The following ENTREP2 variants were observed in gnomAD, a reference collection of about 807,000 sequenced individuals.
The protein encoded by ENTREP2 is endosomal transmembrane epsin interactor 2, also known as protein ENTREP2.
the ENTREP2 span, among the ~76,000 whole-genome samples, chr15:29,445,435 G>A: frequency 6.6e-6 from 1 of 152,114 alleles, no homozygotes; most frequent in Admixed American, 6.5e-5. Flanking sequence ...TTAGGGAAGG[G>A]AAGAGGGGCC....
At chr15:29,501,272 C>T in the ENTREP2 span, among the ~76,000 whole-genome samples, 2 of 151,608 alleles carry the variant, frequency 1.3e-5, no homozygotes, top group Non-Finnish European at 3.0e-5. Flanking sequence ...TGCAAACATT[C>T]TCAACAAAAC....
chr15:29,467,457 C>T, the ENTREP2 span, among the ~76,000 whole-genome samples: 1 of 152,116 alleles, frequency 6.6e-6, no homozygotes, highest in Non-Finnish European at 1.5e-5. Context: ...AGTACTGTTC[C>T]ATTTCCAGGG....
At chr15:29,612,100 C>T in the ENTREP2 span, among the ~76,000 whole-genome samples, 3 of 152,296 alleles carry the variant, frequency 2.0e-5, no homozygotes, top group East Asian at 3.9e-4. Context: ...GTTTTTCCTC[C>T]TTCGGAGTCA....
the ENTREP2 span, among the ~76,000 whole-genome samples, chr15:29,469,311 T>C: frequency 1.5e-3 from 233 of 152,358 alleles, 1 homozygote; most frequent in Non-Finnish European, 2.6e-3. Flanking sequence ...GCAATTCTCC[T>C]GCCTCAGCCT....
chr15:29,334,363 A>G, the ENTREP2 span, among the ~76,000 whole-genome samples: 2 of 152,136 alleles, frequency 1.3e-5, no homozygotes, highest in African/African-American at 4.8e-5. Flanking sequence ...AAGGTACACA[A>G]CCCAGGGCAG....
chr15:29,526,321 G>A, the ENTREP2 span, among the ~76,000 whole-genome samples: 4 of 152,060 alleles, frequency 2.6e-5, no homozygotes, highest in African/African-American at 7.2e-5. Flanking sequence ...CTCCCCTCAC[G>A]CTTCTCAAAG....
the ENTREP2 span, among the ~76,000 whole-genome samples, chr15:29,543,763 A>C: frequency 4.0e-5 from 6 of 151,178 alleles, no homozygotes; most frequent in Non-Finnish European, 7.4e-5. Context: ...TGGGCAACAG[A>C]GCAAGACTCT....
the ENTREP2 span, among the ~76,000 whole-genome samples, chr15:29,644,467 G>T: frequency 1.3e-5 from 2 of 152,202 alleles, no homozygotes; most frequent in African/African-American, 4.8e-5. Flanking sequence ...TAGAGACAGG[G>T]AAGTAAACGC....
chr15:29,480,809 C>T, the ENTREP2 span, among the ~76,000 whole-genome samples: 1 of 152,136 alleles, frequency 6.6e-6, no homozygotes, highest in Admixed American at 6.5e-5. Flanking sequence ...ACCCAGAAAA[C>T]CTCACGGCTG....
At chr15:29,593,517 A>G in the ENTREP2 span, among the ~76,000 whole-genome samples, 2 of 152,090 alleles carry the variant, frequency 1.3e-5, no homozygotes, top group Non-Finnish European at 2.9e-5. Context: ...TTTTGTCTTC[A>G]CCAGAAGCTG....
chr15:29,242,290 A>C, the ENTREP2 span, among the ~76,000 whole-genome samples: 2 of 152,156 alleles, frequency 1.3e-5, no homozygotes, highest in African/African-American at 4.8e-5. Context: ...GCTGGTCTCG[A>C]ACTCTTGACC....
At chr15:29,432,607 C>T in the ENTREP2 span, among the ~76,000 whole-genome samples, 1 of 152,224 alleles carries the variant, frequency 6.6e-6, no homozygotes, top group African/African-American at 2.4e-5. Context: ...CCAGTGCACA[C>T]TGGGGGAATC....
the ENTREP2 span, among the ~76,000 whole-genome samples, chr15:29,292,348 TTTCCTTCC>T: frequency 2.0e-5 from 3 of 150,180 alleles, no homozygotes; most frequent in Non-Finnish European, 2.9e-5. Flanking sequence ...TCCTTCCTTC[TTTCCTTCC>T]TTCCTTCCTT....
At chr15:29,561,246 T>C in the ENTREP2 span, among the ~76,000 whole-genome samples, 11 of 152,000 alleles carry the variant, frequency 7.2e-5, no homozygotes, top group Non-Finnish European at 1.5e-4. Flanking sequence ...CCTTTGGGTA[T>C]ATATCCAAAG....
At chr15:29,273,621 G>A in the ENTREP2 span, among the ~76,000 whole-genome samples, 1 of 152,186 alleles carries the variant, frequency 6.6e-6, no homozygotes, top group African/African-American at 2.4e-5. Context: ...TAACATTTCA[G>A]TAAGTGGACT....
the ENTREP2 span, among the ~76,000 whole-genome samples, chr15:29,248,582 A>G: frequency 6.6e-6 from 1 of 152,200 alleles, no homozygotes. Flanking sequence ...AAACATGAAT[A>G]TATGACATAA....
chr15:29,587,208 T>A, the ENTREP2 span, among the ~76,000 whole-genome samples: 1 of 146,422 alleles, frequency 6.8e-6, no homozygotes, highest in South Asian at 2.2e-4. Context: ...CTCTGTCCAC[T>A]GAAAAAATCT....
chr15:29,131,866 G>C, the ENTREP2 span, among the ~76,000 whole-genome samples: 1 of 134,846 alleles, frequency 7.4e-6, no homozygotes, highest in Non-Finnish European at 1.6e-5. Flanking sequence ...TCACTTTCCT[G>C]CTATCAAAAG....
At chr15:29,440,251 T>A in the ENTREP2 span, among the ~76,000 whole-genome samples, 1 of 152,210 alleles carries the variant, frequency 6.6e-6, no homozygotes, top group Admixed American at 6.5e-5. Context: ...GATGGTTACA[T>A]GAGATGCTGA....
Sources: gnomAD v4.1 joint callset for allele counts (sites outside exome capture counted in the v4.1 genomes callset) on GRCh38, gnomAD v4.1.1 for gene constraint, MANE v1.5 for transcripts, NCBI Gene and HGNC (gene_info 2026-07-23, HGNC 2026-07-21) for gene names.